LOC400499: variants seen among roughly 807,000 people sequenced by gnomAD.
the LOC400499 span, among the ~76,000 whole-genome samples, chr16:11,401,002 G>A: frequency 1.3e-5 from 2 of 152,196 alleles, no homozygotes; most frequent in African/African-American, 2.4e-5. Flanking sequence ...AGAGACGCCT[G>A]TACCTGTTTC....
chr16:11,399,730 T>A, the LOC400499 span: 5 of 398,762 alleles, frequency 1.3e-5, no homozygotes, highest in East Asian at 1.8e-4. Context: ...CAGGCAGCCG[T>A]CCCAGGCGGT....
the LOC400499 span, among the ~76,000 whole-genome samples, chr16:11,444,397 G>A: frequency 3.3e-5 from 5 of 152,232 alleles, no homozygotes; most frequent in East Asian, 9.6e-4. Context: ...GCAAGACCCT[G>A]CCTCAAAAAA....
At chr16:11,520,667 A>C in the LOC400499 span, among the ~76,000 whole-genome samples, 2 of 112,938 alleles carry the variant, frequency 1.8e-5, no homozygotes, top group African/African-American at 1.0e-4. Context: ...ACTCCATCAA[A>C]AAAAAAAAAA....
the LOC400499 span, among the ~76,000 whole-genome samples, chr16:11,455,289 A>C: frequency 6.6e-6 from 1 of 152,240 alleles, no homozygotes; most frequent in African/African-American, 2.4e-5. Context: ...TCTAAGAGTT[A>C]AATTCTTATC....
At chr16:11,477,742 T>C in the LOC400499 span, 1 of 397,508 alleles carries the variant, frequency 2.5e-6, no homozygotes, top group Non-Finnish European at 4.4e-6. Context: ...CCCATACGGA[T>C]GTCACCCAGG....
chr16:11,384,879 C>G, the LOC400499 span: 4 of 1,232,252 alleles, frequency 3.2e-6, no homozygotes. Context: ...TCCTGGGGCC[C>G]AGACCCACCG....
At chr16:11,395,295 C>G in the LOC400499 span, among the ~76,000 whole-genome samples, 1 of 152,202 alleles carries the variant, frequency 6.6e-6, no homozygotes, top group Non-Finnish European at 1.5e-5. Context: ...GCTGGGAAAG[C>G]CTTCTGACCA....
At chr16:11,491,420 A>T in the LOC400499 span, among the ~76,000 whole-genome samples, 5 of 152,064 alleles carry the variant, frequency 3.3e-5, no homozygotes, top group African/African-American at 4.8e-5. Flanking sequence ...ACTGATTCCC[A>T]TCCTATTTTA....
the LOC400499 span, among the ~76,000 whole-genome samples, chr16:11,410,762 T>A: frequency 3.9e-5 from 6 of 152,326 alleles, no homozygotes; most frequent in South Asian, 4.1e-4. Flanking sequence ...GCACTAGGCA[T>A]GCCCTCCAGG....
the LOC400499 span, among the ~76,000 whole-genome samples, chr16:11,525,548 CTT>C: frequency 6.6e-6 from 1 of 152,150 alleles, no homozygotes; most frequent in Admixed American, 6.5e-5. Context: ...TCCTTCAACT[CTT>C]TGATCACTCG....
chr16:11,398,208 C>A, the LOC400499 span: 1 of 631,544 alleles, frequency 1.6e-6, no homozygotes, highest in Non-Finnish European at 2.3e-6. Context: ...AGTCACCCAG[C>A]AGGCAAATGG....
the LOC400499 span, among the ~76,000 whole-genome samples, chr16:11,413,455 C>G: frequency 1.3e-5 from 2 of 152,088 alleles, no homozygotes; most frequent in African/African-American, 4.8e-5. Flanking sequence ...GCGCCTGGCT[C>G]TAGAATAGGC....
chr16:11,420,070 T>G, the LOC400499 span, among the ~76,000 whole-genome samples: 2 of 149,382 alleles, frequency 1.3e-5, no homozygotes, highest in African/African-American at 5.0e-5. Flanking sequence ...GAAATACCAT[T>G]TGACCCAGCC....
chr16:11,483,944 G>T, the LOC400499 span, among the ~76,000 whole-genome samples: 1 of 141,142 alleles, frequency 7.1e-6, no homozygotes, highest in Non-Finnish European at 1.5e-5. Context: ...TATGGTGACA[G>T]AAAGCCTCTC....
the LOC400499 span, among the ~76,000 whole-genome samples, chr16:11,390,714 C>T: frequency 1.3e-5 from 2 of 152,176 alleles, no homozygotes; most frequent in South Asian, 4.1e-4. Flanking sequence ...TCCCACCAGT[C>T]CTAGAATTGA....
the LOC400499 span, chr16:11,446,533 G>T: frequency 2.6e-6 from 4 of 1,535,198 alleles, no homozygotes; most frequent in African/African-American, 5.5e-5. Flanking sequence ...AAAAGTCTCT[G>T]GGGTCTCTGC....
the LOC400499 span, among the ~76,000 whole-genome samples, chr16:11,427,047 G>A: frequency 4.0e-5 from 6 of 151,066 alleles, no homozygotes; most frequent in South Asian, 2.1e-4. Flanking sequence ...GAAGCTACAC[G>A]AGCAAATAAC....
At chr16:11,391,593 C>T in the LOC400499 span, 9 of 1,188,332 alleles carry the variant, frequency 7.6e-6, no homozygotes, top group Admixed American at 4.2e-5. Context: ...CCAATGTGAG[C>T]GCTTAGGGCC....
the LOC400499 span, among the ~76,000 whole-genome samples, chr16:11,499,411 C>A: frequency 3.7e-3 from 549 of 148,934 alleles, 20 homozygotes; most frequent in African/African-American, 0.014. Flanking sequence ...CAGGGCAGGT[C>A]TTGGGTGGTT....
Sources: allele counts gnomAD v4.1 joint callset (sites outside exome capture counted in the v4.1 genomes callset), GRCh38; gene constraint gnomAD v4.1.1; transcripts MANE v1.5.